Variants in IL17RE observed in about 807,000 individuals in gnomAD.
IL17RE encodes interleukin 17 receptor E.
A neutral mutation model predicts 70.7 loss-of-function variants in IL17RE; 47 were observed. That is an observed-to-expected ratio of 0.67 (90% confidence interval 0.53 to 0.85). The LOEUF is 0.85. IL17RE is among the 40% of genes least tolerant of loss of function. The pLI is 0.00. For missense variants in IL17RE, 850 were observed against 893.9 expected (o/e 0.95, Z 0.63); for synonymous variants, 372 against 381.2 (o/e 0.98, Z 0.28).
Position 9,911,800 on chromosome 3 carries a change from TTTTTTTC to T in IL17RE, c.1227+210_1227+216del, listed in dbSNP as rs2082901058. 1.0e-5 allele frequency: 5 copies of T among 480,400 alleles called. No individual in the cohort carries two copies. In the South Asian group the frequency reaches 1.1e-4, roughly 11 times the overall value. 29.8% of individuals were successfully genotyped at this position (480,400 alleles called of 1,614,324 possible). ...TCAAGGGAGCATTTTCTTTTTTTTCTTTTTTTCTTTTTTTTTTTTGAGACAGAGTCTC... is the reference window on the plus strand; with the variant it reads ...TCAAGGGAGCATTTTCTTTTTTTTCTTTTTTTTTTTTTGAGACAGAGTCTC... On this transcript the variant is annotated intron_variant, in intron 12 of 15. Coordinates refer to ENST00000383814, the MANE Select transcript of IL17RE (RefSeq NM_153480.2).
At chr3:9,902,552 T>G, upstream of IL17RE, 3 of 1,388,008 alleles carry the variant, frequency 2.2e-6, no homozygotes, top group Non-Finnish European at 3.0e-6. Flanking sequence ...AGACACAAGT[T>G]CCAGAGTGTG....
chr3:9,913,509 A>G (rs2082941740), intron 12 of IL17RE, among the ~76,000 whole-genome samples: 2 of 152,200 alleles, frequency 1.3e-5, no homozygotes, highest in Admixed American at 1.3e-4. Context: ...ACCTCCATGC[A>G]AGGACCACAA....
chr3:9,910,827 G>T, intron 8 of IL17RE, 38 bp from the exon 9 acceptor site: 1 of 1,597,396 alleles, frequency 6.3e-7, no homozygotes, highest in South Asian at 1.1e-5. Flanking sequence ...GGCTGAAGCA[G>T]GGCTGACCCT....
chr3:9,905,820 C>G (rs1471922576), intron 3 of IL17RE, among the ~76,000 whole-genome samples: 1 of 151,576 alleles, frequency 6.6e-6, no homozygotes, highest in East Asian at 2.0e-4. Flanking sequence ...GCTCCGTCTC[C>G]AAAAAATAAA....
In IL17RE at chr3:9,910,942, C is replaced by G. The variant is rs369298897; in HGVS notation, c.880C>G (p.Arg294Gly). The G allele has an allele frequency of 6.2e-7, 1 of 1,614,174 alleles. No homozygotes were observed. The highest frequency in any genetic ancestry group is 1.1e-5 in the South Asian group (1 of 91,072). ...HTQMVMALTLRCPLKLEAALC... is the reference protein window; with the variant it reads ...HTQMVMALTLGCPLKLEAALC... ...TCAGATGGTCATGGCCCTGACACTC[C>G]GCTGCCCACTGAAGCTGGAAGCTGC... The change falls in exon 9 of 16, where the codon CGC (arginine) becomes GGC (glycine). Residue 294 changes from arginine (R) to glycine (G), a missense_variant. Physicochemically the swap from Arg to Gly is moderately radical, Grantham distance 125. Coordinates refer to ENST00000383814, the MANE Select transcript of IL17RE (RefSeq NM_153480.2).
Position 9,906,432 on chromosome 3 carries a change from A to T in IL17RE, c.337A>T (p.Arg113Trp), listed in dbSNP as rs1559268767. 2 of 1,613,604 alleles carry T rather than the reference A, an allele frequency of 1.2e-6. No individual in the cohort carries two copies. Among genetic ancestry groups the T allele is most frequent in the Admixed American group, 3.3e-5 (2 of 60,014 alleles). ...SKKSSTFKFYRRHKMPAPAQR... is the reference protein window; with the variant it reads ...SKKSSTFKFYWRHKMPAPAQR... ...AAAGTCTTCCACATTCAAGTTCTAT[A>T]GGAGACACAAGATGCCAGCACCTGC... Residue 113 changes from arginine (R) to tryptophan (W), a missense_variant, in exon 4 of 16, where the codon AGG (arginine) becomes TGG (tryptophan). By Grantham distance (101) the Arg-to-Trp change is moderately radical. Transcript: ENST00000383814.
chr3:9,903,945 A>G, intron 2 of IL17RE, 87 bp from the exon 3 acceptor site: 1 of 1,521,618 alleles, frequency 6.6e-7, no homozygotes, highest in Non-Finnish European at 9.1e-7. Flanking sequence ...CCAGGATGTG[A>G]CAGAGCTTGG....
In IL17RE at chr3:9,904,477, C is replaced by G. The variant is rs112336875; in HGVS notation, c.268+326C>G. On this transcript the variant is annotated intron_variant, in intron 3 of 15. Coordinates refer to ENST00000383814, the MANE Select transcript of IL17RE (RefSeq NM_153480.2). ...GCCTGGTACATACTAAATGCCCTTA[C>G]ATTGCTTAAGAATTGGCAGTTTCTA... is the stretch of plus-strand genomic sequence containing the variant. Among the ~76,000 whole-genome samples, 441 of 152,282 alleles carry G rather than the reference C, an allele frequency of 2.9e-3. 1 individual carries two copies. Among genetic ancestry groups the G allele is most frequent in the African/African-American group, 0.01 (430 of 41,564 alleles).
Position 9,915,269 on chromosome 3 carries a change from C to T in IL17RE, c.1466C>T (p.Pro489Leu). 7.1e-7 allele frequency: 1 copy of T among 1,399,086 alleles called. No individual in the cohort carries two copies. The allele number at this position is 1,399,086 out of a possible 1,614,324, so 86.7% of individuals were successfully genotyped here. The part of the protein sequence containing the change: ...RPQSGPGPAR[P>L]VLLLHAADSE... Reference sequence around the variant, plus strand: ...CCACCAGGCCCGGGCCCAGCGCGGCCAGTGCTCCTCCTGCACGCGGCGGAC... The same window carrying T: ...CCACCAGGCCCGGGCCCAGCGCGGCTAGTGCTCCTCCTGCACGCGGCGGAC... The change falls in exon 16 of 16, where the codon CCA (proline) becomes CTA (leucine). Residue 489 changes from proline to leucine, a missense_variant. Pro to Leu is a moderately conservative substitution (Grantham distance 98). Coordinates refer to ENST00000383814, the MANE Select transcript of IL17RE (RefSeq NM_153480.2). This position sits in a 1 kb window ranked among gnomAD's most constrained non-coding sequence, Gnocchi z 4.9.
At chr3:9,902,531 A>C (rs529680025), upstream of IL17RE, 4 of 1,158,750 alleles carry the variant, frequency 3.5e-6, no homozygotes, top group East Asian at 1.0e-4. Context: ...GGTGAAGCGC[A>C]TGTCTATGGG....
chr3:9,903,169 C>A, intron 1 of IL17RE, 105 bp downstream of exon 1: 3 of 1,137,530 alleles, frequency 2.6e-6, no homozygotes, highest in Non-Finnish European at 2.6e-6. Context: ...GCTCTGGTGG[C>A]AGCTTTGATG....
intron 3 of IL17RE, among the ~76,000 whole-genome samples, chr3:9,905,652 C>G (rs2082735990): frequency 6.6e-6 from 1 of 151,946 alleles, no homozygotes; most frequent in Non-Finnish European, 1.5e-5. Context: ...AACCCCGTCT[C>G]TACTAAAAGT....
At position 9,915,981 on chromosome 3, in the gene IL17RE, T is replaced by G; in HGVS notation, c.*174T>G. On this transcript the variant is annotated 3_prime_UTR_variant, in exon 16 of 16. Coordinates refer to ENST00000383814, the MANE Select transcript of IL17RE (RefSeq NM_153480.2). The surrounding 1 kb of genome is among the most constrained non-coding windows in gnomAD (Gnocchi z 4.9). ...AGTCCCAGCCCAGTCCCCGCGCGCG[T>G]CCCTCTTCCTCCTCATACTTTCCCT... is the stretch of plus-strand genomic sequence containing the variant. 2.6e-6 allele frequency: 3 copies of G among 1,141,514 alleles called. No individual in the cohort carries two copies. Among genetic ancestry groups the G allele is most frequent in the Non-Finnish European group, 3.4e-6 (3 of 875,242 alleles). 70.7% of individuals were successfully genotyped at this position (1,141,514 alleles called of 1,614,324 possible).
rs146107835 is a variant in IL17RE, at chr3:9,906,106, G to T, written c.269-258G>T. On this transcript the variant is annotated intron_variant, in intron 3 of 15. Transcript: ENST00000383814. ...CTCCACTAAAGATACAAAATTAGCC[G>T]GGCATGGTGGCACATGCCTGTAATC... Among the ~76,000 whole-genome samples the T allele has an allele frequency of 8.2e-3, 1,241 of 151,902 alleles. 14 individuals are homozygous for T. The highest frequency in any genetic ancestry group is 0.023 in the Admixed American group (353 of 15,234).
At position 9,909,442 on chromosome 3, in the gene IL17RE, G is replaced by A. The variant is rs1046366670; in HGVS notation, c.802+159G>A. 15 of 667,564 alleles carry A rather than the reference G, an allele frequency of 2.2e-5. No homozygotes were observed. In the African/African-American group the frequency reaches 2.7e-4, roughly 12 times the overall value. The allele number at this position is 667,564 out of a possible 1,614,324, so 41.4% of individuals were successfully genotyped here. A position where few individuals can be genotyped will look rare whatever the true frequency, so the allele number is the denominator to read the frequency against. ...TGCAGGTACTTTCCCTGGAGTCAGT[G>A]GGGGGAAAAGGGCTGCCAAGTCTAC... On this transcript the variant is annotated intron_variant, in intron 8 of 15. Transcript: ENST00000383814.
intron 8 of IL17RE, chr3:9,910,286 G>T (rs2082860742): frequency 6.5e-6 from 1 of 153,596 alleles, no homozygotes; most frequent in African/African-American, 2.4e-5. Flanking sequence ...AGAATCACTT[G>T]AGCTCGGGAG....
intron 8 of IL17RE, 62 bp from the exon 9 acceptor site, chr3:9,910,803 G>C: frequency 6.8e-7 from 1 of 1,470,666 alleles, no homozygotes; most frequent in Non-Finnish European, 9.4e-7. Flanking sequence ...CCCAGGATGT[G>C]GGTGGCAAGG....
Position 9,915,419 on chromosome 3 carries a change from C to G in IL17RE, c.1616C>G (p.Pro539Arg). 7.3e-7 allele frequency: 1 copy of G among 1,360,984 alleles called. No homozygotes were observed. Among genetic ancestry groups the G allele is most frequent in the East Asian group, 3.0e-5 (1 of 33,092 alleles). 84.3% of individuals were successfully genotyped at this position (1,360,984 alleles called of 1,614,324 possible). Residue 539 changes from proline (P) to arginine (R), a missense_variant, in exon 16 of 16, where the codon CCG becomes CGG. Coordinates refer to ENST00000383814, the MANE Select transcript of IL17RE (RefSeq NM_153480.2). The surrounding 1 kb of genome is among the most constrained non-coding windows in gnomAD (Gnocchi z 4.9). ...CACGTGGCGCGCGTGGGCCCGCTGC[C>G]GTGGCTCTGGGCGGCGCGGACGCGC... is the stretch of plus-strand genomic sequence containing the variant. ...GRHVARVGPL[P>R]WLWAARTRVA...
At position 9,904,188 on chromosome 3, in the gene IL17RE, G is replaced by A. The variant is rs766333321; in HGVS notation, c.268+37G>A. ...AGCCCCTTGGGCCATTCTCAGTGAA[G>A]AGAACATTTTGAGGGACCACCTAGG... On this transcript the variant is annotated intron_variant, in intron 3 of 15. Coordinates refer to ENST00000383814, the MANE Select transcript of IL17RE (RefSeq NM_153480.2). 1.9e-6 allele frequency: 3 copies of A among 1,608,626 alleles called. No homozygotes were observed. In the South Asian group the frequency reaches 3.3e-5, roughly 18 times the overall value.
Sources: allele counts gnomAD v4.1 joint callset (sites outside exome capture counted in the v4.1 genomes callset), GRCh38; gene constraint gnomAD v4.1.1; non-coding constraint Gnocchi (gnomAD v3.1); transcripts MANE v1.5; gene names NCBI Gene and HGNC (gene_info 2026-07-23, HGNC 2026-07-21).